Variants in IPCEF1 observed in about 807,000 individuals in gnomAD.
The protein encoded by IPCEF1 is interaction protein for cytohesin exchange factors 1, also known as interactor protein for cytohesin exchange factors 1.
IPCEF1 carries 31 observed loss-of-function variants against 50.9 expected under a neutral mutation model. That is an observed-to-expected ratio of 0.61 (90% CI 0.46 to 0.82). The LOEUF is 0.82. IPCEF1 is among the 40% of genes least tolerant of loss of function. The probability of loss-of-function intolerance (pLI) is 0.00; values close to 1 mark genes in which losing one functional copy is unlikely to be tolerated. For synonymous variants in IPCEF1, 181 were observed against 192.0 expected, an observed-to-expected ratio of 0.94 and a Z score of 0.47; for missense variants, 458 against 514.0, an observed-to-expected ratio of 0.89 and a Z score of 1.05.
chr6:154,167,325 T>G (rs997812), intron 11 of IPCEF1, among the ~76,000 whole-genome samples: 103,512 of 152,062 alleles, frequency 0.68, 36,035 homozygotes, highest in East Asian at 0.89. Flanking sequence ...CCTGTACACT[T>G]TCCCTTATTC....
At chr6:154,185,779 G>A (rs1801286315) in intron 10 of IPCEF1, among the ~76,000 whole-genome samples, 1 of 152,008 alleles carries the variant, frequency 6.6e-6, no homozygotes, top group African/African-American at 2.4e-5. Context: ...AAGCTAAAAA[G>A]AAAAAAATCA....
intron 3 of IPCEF1, among the ~76,000 whole-genome samples, chr6:154,261,155 C>T (rs1169214321): frequency 6.6e-6 from 1 of 152,116 alleles, no homozygotes; most frequent in Non-Finnish European, 1.5e-5. Context: ...CCACCTCAGC[C>T]TCCCAAGTAG....
intron 3 of IPCEF1, among the ~76,000 whole-genome samples, chr6:154,250,959 C>G (rs1781323136): frequency 6.6e-6 from 1 of 152,098 alleles, no homozygotes; most frequent in African/African-American, 2.4e-5. Context: ...ATTTTAGAGC[C>G]ATACCAGATC....
chr6:154,177,829 C>T (rs1292761152), intron 10 of IPCEF1, among the ~76,000 whole-genome samples: 1 of 152,176 alleles, frequency 6.6e-6, no homozygotes, highest in Non-Finnish European at 1.5e-5. Context: ...ACTATAAAGA[C>T]ACATGCACAC....
At position 154,166,436 on chromosome 6, in the gene IPCEF1, C is replaced by T. The variant is rs142321075; in HGVS notation, c.1104+1484G>A. Among the ~76,000 whole-genome samples the T allele has an allele frequency of 1.4e-4, 22 of 152,338 alleles. No homozygotes were observed. In the East Asian group the frequency reaches 1.7e-3, roughly 12 times the overall value. ...GGCCTCTACTTCCTGCTTCTCCCAA[C>T]GTGGAACTACAGCTTATTATCCGTT... On this transcript the variant is annotated intron_variant, in intron 11 of 11. Transcript: ENST00000367220.
intron 1 of IPCEF1, among the ~76,000 whole-genome samples, chr6:154,316,810 A>C (rs1317839148): frequency 6.6e-6 from 1 of 152,238 alleles, no homozygotes; most frequent in Non-Finnish European, 1.5e-5. Context: ...CATGTTATTT[A>C]GTTCAATTTA....
chr6:154,223,940 T>C (rs1398812000), intron 5 of IPCEF1, among the ~76,000 whole-genome samples: 2 of 152,242 alleles, frequency 1.3e-5, no homozygotes, highest in South Asian at 2.1e-4. Context: ...AGCATAAATG[T>C]CACTTTACAT....
chr6:154,354,404 T>TCTC (rs1562300259), intron 1 of IPCEF1, among the ~76,000 whole-genome samples: 6 of 20,760 alleles, frequency 2.9e-4, no homozygotes, highest in African/African-American at 1.7e-3. Context: ...CCAACCACCA[T>TCTC]CTCCACCACC....
At chr6:154,327,435 T>G (rs1423355492) in intron 1 of IPCEF1, among the ~76,000 whole-genome samples, 1 of 152,040 alleles carries the variant, frequency 6.6e-6, no homozygotes, top group Non-Finnish European at 1.5e-5. Flanking sequence ...CAAAAGAAGA[T>G]GTACATGTGG....
At chr6:154,268,908 C>T (rs562891856) in intron 2 of IPCEF1, among the ~76,000 whole-genome samples, 10 of 152,294 alleles carry the variant, frequency 6.6e-5, no homozygotes, top group Middle Eastern at 3.4e-3. Flanking sequence ...CTTCCCTGAT[C>T]CTTGGGAGAG....
Position 154,332,196 on chromosome 6 carries a change from T to C in IPCEF1, c.-62+24476A>G, listed in dbSNP as rs568387792. ...TTTATTAAGTCACATGCAGAACAAA[T>C]GCAACTGAAATATCAGGGATCATGA... On this transcript the variant is annotated intron_variant, in intron 1 of 11. Transcript: ENST00000367220. 9.1e-4 allele frequency among the ~76,000 whole-genome samples: 139 copies of C among 152,190 alleles called. 1 individual carries two copies. Among genetic ancestry groups the C allele is most frequent in the African/African-American group, 3.3e-3 (135 of 41,518 alleles).
chr6:154,187,691 C>T (rs544729843), intron 10 of IPCEF1, among the ~76,000 whole-genome samples: 3 of 152,162 alleles, frequency 2.0e-5, no homozygotes, highest in Non-Finnish European at 4.4e-5. Context: ...CAGAATTATT[C>T]TTAGGTATTA....
Position 154,247,500 on chromosome 6 carries a change from G to A in IPCEF1, c.37-12C>T, listed in dbSNP as rs1401716522. On this transcript the variant is annotated splice_polypyrimidine_tract_variant and intron_variant, in intron 3 of 11. Coordinates refer to ENST00000367220, the MANE Select transcript of IPCEF1 (RefSeq NM_001130700.2). ...CGCAAGGGAACCTGCTGAAAATGCA[G>A]GAAGGAAAGAAAAGAGGAAATTTCT... The A allele has an allele frequency of 1.9e-6, 3 of 1,609,702 alleles. No homozygotes were observed. Among genetic ancestry groups the A allele is most frequent in the African/African-American group, 2.7e-5 (2 of 74,928 alleles).
chr6:154,224,053 G>C (rs899645853), intron 5 of IPCEF1, among the ~76,000 whole-genome samples: 1 of 152,202 alleles, frequency 6.6e-6, no homozygotes, highest in African/African-American at 2.4e-5. Flanking sequence ...AACAAAGCTA[G>C]ATTGTTCGTC....
intron 1 of IPCEF1, among the ~76,000 whole-genome samples, chr6:154,303,981 A>C (rs1018082971): frequency 3.3e-5 from 5 of 152,080 alleles, no homozygotes; most frequent in African/African-American, 1.2e-4. Flanking sequence ...GGTCCCAGCT[A>C]CTCAGGAGGC....
At chr6:154,217,417 G>C (rs2128611765) in intron 7 of IPCEF1, 1 of 149,282 alleles carries the variant, frequency 6.7e-6, no homozygotes, top group Middle Eastern at 3.4e-3. Flanking sequence ...TAAACCACAA[G>C]AGGTGGCTGC....
chr6:154,322,398 AC>A (rs1783405750), intron 1 of IPCEF1, among the ~76,000 whole-genome samples: 1 of 150,870 alleles, frequency 6.6e-6, no homozygotes, highest in Non-Finnish European at 1.5e-5. Flanking sequence ...ACACACACAC[AC>A]ACACCCCTAT....
intron 11 of IPCEF1, among the ~76,000 whole-genome samples, chr6:154,163,294 TC>T (rs1799170296): frequency 6.6e-6 from 1 of 152,154 alleles, no homozygotes; most frequent in South Asian, 2.1e-4. Flanking sequence ...CTAGGCACAC[TC>T]CCGCCCCAAG....
At chr6:154,190,299 C>T (rs776494792) in intron 10 of IPCEF1, among the ~76,000 whole-genome samples, 3 of 152,012 alleles carry the variant, frequency 2.0e-5, no homozygotes, top group Non-Finnish European at 2.9e-5. Flanking sequence ...GGCAAAAGAT[C>T]TCAACAGATA....
Sources: gnomAD v4.1 joint callset for allele counts (sites outside exome capture counted in the v4.1 genomes callset) on GRCh38, gnomAD v4.1.1 for gene constraint, MANE v1.5 for transcripts, NCBI Gene and HGNC (gene_info 2026-07-23, HGNC 2026-07-21) for gene names.